Variants in SUGCT observed in about 807,000 individuals in gnomAD.
The protein encoded by SUGCT is succinyl-CoA:glutarate-CoA transferase.
SUGCT carries 41 observed loss-of-function variants against 55.0 expected under a neutral mutation model. The observed-to-expected ratio is 0.74, with a 90% CI of 0.58 to 0.97. The LOEUF (loss-of-function observed/expected upper bound fraction) is 0.97. SUGCT is among the 50% of genes least tolerant of loss of function. The probability of loss-of-function intolerance (pLI) is 0.00; values close to 1 mark genes in which losing one functional copy is unlikely to be tolerated. For synonymous variants in SUGCT, 187 were observed against 200.4 expected, an observed-to-expected ratio of 0.93 and a Z score of 0.56; for missense variants, 568 against 547.8, an observed-to-expected ratio of 1.04 and a Z score of -0.37.
intron 9 of SUGCT, among the ~76,000 whole-genome samples, chr7:40,319,095 C>T (rs1432958301): frequency 1.3e-5 from 2 of 152,158 alleles, no homozygotes; most frequent in East Asian, 3.9e-4. Context: ...GTCTGTTCTT[C>T]AATGATAGAA....
At chr7:40,147,051 T>TC (rs1788283804) in intron 1 of SUGCT, among the ~76,000 whole-genome samples, 1 of 96,908 alleles carries the variant, frequency 1.0e-5, no homozygotes. Flanking sequence ...TTTCTCTCTC[T>TC]TTCTTCTCTC....
At chr7:40,719,791 A>C (rs1786221907) in intron 12 of SUGCT, among the ~76,000 whole-genome samples, 1 of 152,018 alleles carries the variant, frequency 6.6e-6, no homozygotes, top group Non-Finnish European at 1.5e-5. Flanking sequence ...GGCAGAGCAC[A>C]CACAATTCTG....
intron 9 of SUGCT, among the ~76,000 whole-genome samples, chr7:40,345,016 G>A (rs113696392): frequency 0.017 from 2,595 of 152,182 alleles, 80 homozygotes; most frequent in African/African-American, 0.059. Flanking sequence ...TTTATGTGGG[G>A]TCCCCCAGAG....
rs1325121417 is a variant in SUGCT, at chr7:40,374,327, GTCATCCTC to G, written c.816+57473_816+57480del. On this transcript the variant is annotated intron_variant, in intron 9 of 13. Coordinates refer to ENST00000335693, the MANE Select transcript of SUGCT (RefSeq NM_001193313.2). ...ATGACCCTGTGAGGTGGTAGGTGGTGTCATCCTCATTTTACAGATGAGGAAGCTAAGGT... is the reference window on the plus strand; with the variant it reads ...ATGACCCTGTGAGGTGGTAGGTGGTGATTTTACAGATGAGGAAGCTAAGGT... Among the ~76,000 whole-genome samples the G allele has an allele frequency of 6.8e-4, 104 of 152,262 alleles. 1 individual carries two copies. In the East Asian group the frequency reaches 0.019, roughly 27 times the overall value.
chr7:40,914,272 C>CTTTTTTTTTTTTTTTTTTT, the SUGCT span, among the ~76,000 whole-genome samples: 1 of 139,208 alleles, frequency 7.2e-6, no homozygotes. Context: ...TTATTTTTTT[C>CTTTTTTTTTTTTTTTTTTT]TTTTTCTTTT....
intron 13 of SUGCT, among the ~76,000 whole-genome samples, chr7:40,767,283 C>A (rs752011865): frequency 2.0e-5 from 3 of 152,130 alleles, no homozygotes; most frequent in Non-Finnish European, 4.4e-5. Context: ...CTTAAAAAAG[C>A]CATCTGTATA....
intron 8 of SUGCT, among the ~76,000 whole-genome samples, chr7:40,282,900 C>T (rs978834276): frequency 2.0e-5 from 3 of 151,890 alleles, no homozygotes; most frequent in African/African-American, 2.4e-5. Flanking sequence ...GGATTAGAGA[C>T]TGAAACATAA....
At chr7:41,000,374 C>A in the SUGCT span, among the ~76,000 whole-genome samples, 1 of 152,022 alleles carries the variant, frequency 6.6e-6, no homozygotes, top group Admixed American at 6.6e-5. Flanking sequence ...TATCCATATC[C>A]CAAATGTTTT....
chr7:40,599,069 G>A (rs867663824), intron 12 of SUGCT, among the ~76,000 whole-genome samples: 1 of 152,128 alleles, frequency 6.6e-6, no homozygotes, highest in African/African-American at 2.4e-5. Flanking sequence ...ATGAAATACT[G>A]TCTCTTGTTG....
chr7:40,146,443 C>T (rs767057207), intron 1 of SUGCT, among the ~76,000 whole-genome samples: 2 of 152,208 alleles, frequency 1.3e-5, no homozygotes, highest in Non-Finnish European at 2.9e-5. Context: ...TTAGGGGTCT[C>T]ACAGCCTTCA....
chr7:40,804,652 G>C (rs190866344), intron 13 of SUGCT, among the ~76,000 whole-genome samples: 3 of 152,150 alleles, frequency 2.0e-5, no homozygotes, highest in Admixed American at 2.0e-4. Context: ...AGCATCTGTT[G>C]GAAAACATGA....
intron 9 of SUGCT, among the ~76,000 whole-genome samples, chr7:40,372,161 C>T (rs1257844051): frequency 6.6e-6 from 1 of 151,742 alleles, no homozygotes; most frequent in African/African-American, 2.4e-5. Flanking sequence ...TGTATTCTTC[C>T]AAGTCCAGTA....
At chr7:40,294,131 A>G (rs573938055) in intron 8 of SUGCT, among the ~76,000 whole-genome samples, 23 of 152,080 alleles carry the variant, frequency 1.5e-4, no homozygotes, top group Non-Finnish European at 2.4e-4. Context: ...TATTTTTAGT[A>G]GAGACGGGGT....
chr7:40,787,774 C>T (rs893202161), intron 13 of SUGCT, among the ~76,000 whole-genome samples: 7 of 149,596 alleles, frequency 4.7e-5, no homozygotes, highest in Admixed American at 4.0e-4. Flanking sequence ...AACCTCCCTA[C>T]TTCAGCGAAA....
intron 12 of SUGCT, among the ~76,000 whole-genome samples, chr7:40,657,982 A>G (rs1225031353): frequency 6.6e-6 from 1 of 152,228 alleles, no homozygotes; most frequent in Non-Finnish European, 1.5e-5. Context: ...CCATGACACA[A>G]CAGTACCAAG....
chr7:40,875,530 CCTT>C, the SUGCT span, among the ~76,000 whole-genome samples: 1 of 152,308 alleles, frequency 6.6e-6, no homozygotes, highest in African/African-American at 2.4e-5. Flanking sequence ...ACCCCTGAAT[CCTT>C]CTTAAGTACC....
chr7:41,010,148 C>A, the SUGCT span, among the ~76,000 whole-genome samples: 1 of 152,186 alleles, frequency 6.6e-6, no homozygotes, highest in Non-Finnish European at 1.5e-5. Context: ...TTTGTTTGTT[C>A]ATTTATTGCT....
At chr7:40,262,200 T>C (rs1791263198) in intron 7 of SUGCT, among the ~76,000 whole-genome samples, 1 of 152,182 alleles carries the variant, frequency 6.6e-6, no homozygotes, top group Non-Finnish European at 1.5e-5. Context: ...CTTTCAATTA[T>C]TTTCTGAAAA....
intron 6 of SUGCT, among the ~76,000 whole-genome samples, chr7:40,211,212 GTTGA>G (rs1323150909): frequency 6.6e-6 from 1 of 151,348 alleles, no homozygotes; most frequent in Non-Finnish European, 1.5e-5. Flanking sequence ...TTATTGGTTG[GTTGA>G]TTGATCTGAT....
Sources: allele counts gnomAD v4.1 joint callset (sites outside exome capture counted in the v4.1 genomes callset), GRCh38; gene constraint gnomAD v4.1.1; transcripts MANE v1.5; gene names NCBI Gene and HGNC (gene_info 2026-07-23, HGNC 2026-07-21).